SPEG: variants seen among roughly 807,000 people sequenced by gnomAD.
SPEG encodes the protein striated muscle preferentially expressed protein kinase.
Under a neutral mutation model 300.4 loss-of-function variants are expected in SPEG, and 114 were observed. The ratio of observed to expected loss-of-function variants is 0.38; its 90% CI spans 0.33 to 0.44. The LOEUF is 0.44. Ranked by LOEUF, SPEG falls within the 20% of genes least tolerant of loss-of-function variation. The pLI is 1.00. For missense variants in SPEG, 4,201 were observed against 4,586.2 expected (o/e 0.92, Z 2.43); for synonymous variants, 1,964 against 2,018.9 (o/e 0.97, Z 0.73).
chr2:219,488,397 C>T, intron 32 of SPEG, 87 bp downstream of exon 32: 1 of 1,501,082 alleles, frequency 6.7e-7, no homozygotes, highest in Non-Finnish European at 9.1e-7. Context: ...GGAGTGGGGA[C>T]TGAGCACGGT....
chr2:219,459,960 A>G lies in SPEG; in HGVS notation c.2441-1922A>G, dbSNP rs1257079860. Among the ~76,000 whole-genome samples the G allele has an allele frequency of 6.6e-6, 1 of 152,106 alleles. No individual in the cohort carries two copies. Among genetic ancestry groups the G allele is most frequent in the Non-Finnish European group, 1.5e-5 (1 of 68,018 alleles). On this transcript the variant is annotated intron_variant, in intron 6 of 40. Transcript: ENST00000312358. This position sits in a 1 kb window ranked among gnomAD's most constrained non-coding sequence, Gnocchi z 4.9. The stretch of plus-strand genomic sequence containing the variant: ...GGGGTGAGGTGATAGGAAGAGGGAG[A>G]AGGACATGTGACCCCTGCTCAACAG...
At chr2:219,438,074 G>A (rs1265069911) in intron 1 of SPEG, among the ~76,000 whole-genome samples, 1 of 152,118 alleles carries the variant, frequency 6.6e-6, no homozygotes, top group African/African-American at 2.4e-5. Flanking sequence ...GAAAGTTGGG[G>A]TCATGAGAAG....
At position 219,483,425 on chromosome 2, in the gene SPEG, A is replaced by G; in HGVS notation, c.5962A>G (p.Ser1988Gly). ...RAPSQDQEAP[S>G]PEALPSPGQE... ...TCCCTCTCAGGACCAGGAGGCTCCC[A>G]GCCCAGAGGCCCTCCCCTCCCCAGG... The change falls in exon 30 of 41, where the codon AGC becomes GGC. Residue 1988 changes from serine (S) to glycine (G), a missense_variant. Coordinates refer to ENST00000312358, the MANE Select transcript of SPEG (RefSeq NM_005876.5). 6.4e-7 allele frequency: 1 copy of G among 1,570,868 alleles called. No individual in the cohort carries two copies. The highest frequency in any genetic ancestry group is 1.8e-5 in the Admixed American group (1 of 54,224).
intron 6 of SPEG, among the ~76,000 whole-genome samples, chr2:219,456,694 G>A (rs1690208240): frequency 6.6e-6 from 1 of 152,154 alleles, no homozygotes; most frequent in Admixed American, 6.5e-5. Flanking sequence ...TGGATCATGA[G>A]GTCAGGAGTA....
chr2:219,435,675 A>G (rs544922924), intron 1 of SPEG, among the ~76,000 whole-genome samples: 93 of 152,280 alleles, frequency 6.1e-4, no homozygotes, highest in African/African-American at 2.1e-3. Context: ...CCTCCTGTGG[A>G]GAAAAGCCTC....
In SPEG at chr2:219,491,796, C is replaced by A; in HGVS notation, c.9388C>A (p.Pro3130Thr). The change falls in exon 39 of 41, where the codon CCG becomes ACG. Residue 3130 changes from proline to threonine, a missense_variant and splice_region_variant. Pro to Thr is a conservative substitution (Grantham distance 38). Around this residue, in one of 4 missense-constraint regions of SPEG, gnomAD observed 318 missense variants for 429.5 expected, o/e 0.74. Transcript: ENST00000312358. ...GCTTGGCCTCTGTCTCCTGTCAGCT[C>A]CGGAGATGGTGAAGGGAGAACCCAT... ...HRTGTLEFMA[P>T]EMVKGEPIGS... 1 of 1,613,038 alleles carries A rather than the reference C, an allele frequency of 6.2e-7. No individual in the cohort carries two copies. Among genetic ancestry groups the A allele is most frequent in the Non-Finnish European group, 8.5e-7 (1 of 1,179,794 alleles).
rs368564757 is a variant in SPEG, at chr2:219,472,942, G to A, written c.3993G>A (p.Gln1331=). The A allele has an allele frequency of 5.4e-5, 87 of 1,613,726 alleles. No homozygotes were observed. The Middle Eastern group carries it at 8.3e-4, about 15-fold the overall frequency. ...TVQHQVLGSD[Q]WTALVTGLRE... ...AGCACCAGGTGCTGGGCTCGGACCAGTGGACGGCACTGGTCACAGGCCTGC... is the reference window on the plus strand; with the variant it reads ...AGCACCAGGTGCTGGGCTCGGACCAATGGACGGCACTGGTCACAGGCCTGC... Residue 1331 remains glutamine, a synonymous_variant, in exon 16 of 41, where the codon CAG becomes CAA. Transcript: ENST00000312358.
Position 219,489,773 on chromosome 2 carries a change from G to T in SPEG, c.8755G>T (p.Glu2919Ter). 2 of 1,613,568 alleles carry T rather than the reference G, an allele frequency of 1.2e-6. No individual in the cohort carries two copies. The highest frequency in any genetic ancestry group is 1.7e-6 in the Non-Finnish European group (2 of 1,179,910). ...APPAPEPPAP[E>*]PPPEPTKVTV... ...ACCAGCCCCTGAGCCCCCAGCCCCT[G>T]AGCCCCCTCCTGAGCCTACCAAGGT... The change falls in exon 36 of 41, where the codon GAG becomes TAG. Residue 2919 changes from glutamate (E) to a stop codon, truncating the protein, a stop_gained. Transcript: ENST00000312358. LOFTEE classifies it high-confidence loss of function.
Position 219,464,494 on chromosome 2 carries a change from G to A in SPEG, c.2767G>A (p.Gly923Arg), listed in dbSNP as rs372109211. Reference sequence around the variant, plus strand: ...GCGCTTTGCGGAGGAGGCTGAGGGTGGGCTGTGCCGGCTGCGGATCCTGGC... The same window carrying A: ...GCGCTTTGCGGAGGAGGCTGAGGGTAGGCTGTGCCGGCTGCGGATCCTGGC... ...QRRFAEEAEG[G>R]LCRLRILAAE... The change falls in exon 9 of 41, where the codon GGG (glycine) becomes AGG (arginine). Residue 923 changes from glycine (G) to arginine (R), a missense_variant. Coordinates refer to ENST00000312358, the MANE Select transcript of SPEG (RefSeq NM_005876.5). The surrounding 1 kb of genome is among the most constrained non-coding windows in gnomAD (Gnocchi z 4.5). The A allele has an allele frequency of 1.2e-6, 2 of 1,613,882 alleles. No homozygotes were observed. Among genetic ancestry groups the A allele is most frequent in the African/African-American group, 1.3e-5 (1 of 74,952 alleles).
intron 1 of SPEG, among the ~76,000 whole-genome samples, chr2:219,436,421 C>T (rs902277048): frequency 6.6e-6 from 1 of 152,262 alleles, no homozygotes; most frequent in East Asian, 1.9e-4. Flanking sequence ...AAACAGAATT[C>T]TGAGGAAGTA....
Position 219,448,172 on chromosome 2 carries a change from C to A in SPEG, c.1014C>A (p.Arg338=). ...PAATPTSPHR[R]TQEPVLPEDT... is the part of the protein sequence containing the mutation. ...CCACCCCCACGTCGCCCCACCGTCG[C>A]ACTCAGGAGCCTGTGCTGCCCGAGG... Residue 338 remains arginine (R), a synonymous_variant, in exon 4 of 41, where the codon CGC becomes CGA. Coordinates refer to ENST00000312358, the MANE Select transcript of SPEG (RefSeq NM_005876.5). The A allele has an allele frequency of 6.2e-7, 1 of 1,611,840 alleles. No individual in the cohort carries two copies. Among genetic ancestry groups the A allele is most frequent in the Non-Finnish European group, 8.5e-7 (1 of 1,179,352 alleles).
Position 219,483,158 on chromosome 2 carries a change from GC to G in SPEG, c.5702del (p.Pro1901GlnfsTer6). On this transcript the variant is annotated frameshift_variant, in exon 30 of 41. Coordinates refer to ENST00000312358, the MANE Select transcript of SPEG (RefSeq NM_005876.5). LOFTEE classifies it high-confidence loss of function. ...VLRPIPELLRAPPERVWVTMP... is the reference protein window; with the variant it reads ...VLRPIPELLRXPPERVWVTMP... Reference sequence around the variant, plus strand: ...GCGCCCCATCCCCGAGCTGCTGCGGGCCCCCCCAGAGCGGGTGTGGGTGACC... The same window carrying G: ...GCGCCCCATCCCCGAGCTGCTGCGGGCCCCCCAGAGCGGGTGTGGGTGACC... 6.2e-7 allele frequency: 1 copy of G among 1,609,176 alleles called. No homozygotes were observed. The highest frequency in any genetic ancestry group is 1.1e-5 in the South Asian group (1 of 90,812).
rs1431501551 is a variant in SPEG, at chr2:219,489,514, G to A, written c.8496G>A (p.Leu2832=). 2 of 1,601,900 alleles carry A rather than the reference G, an allele frequency of 1.2e-6. No individual in the cohort carries two copies. The highest frequency in any genetic ancestry group is 1.7e-6 in the Non-Finnish European group (2 of 1,178,080). ...SSPPTPPSQA[L]SSLKAVGPPP... is the part of the protein sequence containing the mutation. The stretch of plus-strand genomic sequence containing the variant: ...CCCCCACACCTCCTAGCCAGGCCTT[G>A]TCCTCGCTCAAGGCTGTGGGTCCAC... The change falls in exon 36 of 41, where the codon TTG becomes TTA. Residue 2832 remains leucine, a synonymous_variant. Transcript: ENST00000312358.
intron 22 of SPEG, among the ~76,000 whole-genome samples, chr2:219,478,590 A>G (rs1443590665): frequency 6.6e-6 from 1 of 152,190 alleles, no homozygotes; most frequent in Admixed American, 6.5e-5. Context: ...TTACCCTTTC[A>G]TGAAGGCTGT....
At chr2:219,456,423 C>A (rs1559378511) in intron 6 of SPEG, among the ~76,000 whole-genome samples, 1 of 152,196 alleles carries the variant, frequency 6.6e-6, no homozygotes, top group Non-Finnish European at 1.5e-5. Flanking sequence ...TGGCATGGTC[C>A]CCTTGCCCAA....
chr2:219,435,044 C>A lies in SPEG; in HGVS notation c.67C>A (p.Pro23Thr), dbSNP rs1054445743. Reference sequence around the variant, plus strand: ...GAGGGCACCCCCCAGCCCCGGAGTGCCCCCGAAAAGGGCCAAGGTGGGGGC... The same window carrying A: ...GAGGGCACCCCCCAGCCCCGGAGTGACCCCGAAAAGGGCCAAGGTGGGGGC... The part of the protein sequence containing the change: ...GTRAPPSPGV[P>T]PKRAKVGAGG... Residue 23 changes from proline (P) to threonine (T), a missense_variant, in exon 1 of 41, where the codon CCC (proline) becomes ACC (threonine). By Grantham distance (38) the Pro-to-Thr change is conservative. Transcript: ENST00000312358. 3 of 1,493,602 alleles carry A rather than the reference C, an allele frequency of 2.0e-6. No individual in the cohort carries two copies. The highest frequency in any genetic ancestry group is 2.2e-5 in the Admixed American group (1 of 45,678). The allele number at this position is 1,493,602 out of a possible 1,614,324, so 92.5% of individuals were successfully genotyped here. A position where few individuals can be genotyped will look rare whatever the true frequency, so the allele number is the denominator to read the frequency against.
In SPEG at chr2:219,448,425, C is replaced by T. The variant is rs1689484113; in HGVS notation, c.1267C>T (p.Pro423Ser). The change falls in exon 4 of 41, where the codon CCC (proline) becomes TCC (serine). Residue 423 changes from proline (P) to serine (S), a missense_variant. By Grantham distance (74) the Pro-to-Ser change is moderately conservative. This residue lies in a region of SPEG where 1,258 missense variants were observed against 1,293.9 expected (regional missense o/e 0.97). Coordinates refer to ENST00000312358, the MANE Select transcript of SPEG (RefSeq NM_005876.5). ...SLERSDSPPA[P>S]LRPWVPLRKA... ...GGAGCGCAGCGACTCGCCGCCGGCG[C>T]CCCTGCGGCCCTGGGTGCCCCTGCG... 1 of 1,520,484 alleles carries T rather than the reference C, an allele frequency of 6.6e-7. No homozygotes were observed. The highest frequency in any genetic ancestry group is 8.8e-7 in the Non-Finnish European group (1 of 1,140,830). 94.2% of individuals were successfully genotyped at this position (1,520,484 alleles called of 1,614,324 possible).
intron 8 of SPEG, among the ~76,000 whole-genome samples, chr2:219,462,853 A>AGCTGTAGTGAGCT (rs1407300778): frequency 6.6e-6 from 1 of 152,168 alleles, no homozygotes; most frequent in East Asian, 1.9e-4. Flanking sequence ...GGGAGGTGGA[A>AGCTGTAGTGAGCT]GCTGTAGTGA....
At position 219,462,308 on chromosome 2, in the gene SPEG, T is replaced by C. The variant is rs1192485855; in HGVS notation, c.2627T>C (p.Met876Thr). The change falls in exon 8 of 41, where the codon ATG (methionine) becomes ACG (threonine). Residue 876 changes from methionine to threonine, a missense_variant. Met to Thr is a moderately conservative substitution (Grantham distance 81). This residue lies in a region of SPEG where 1,047 missense variants were observed against 1,356.8 expected (regional missense o/e 0.77). Transcript: ENST00000312358. ...KAPPTFKVSLMDQSVREGQDV... is the reference protein window; with the variant it reads ...KAPPTFKVSLTDQSVREGQDV... The stretch of plus-strand genomic sequence containing the variant: ...GGGTACCCCCTTCAGGTCTCACTTA[T>C]GGACCAGTCAGTAAGAGAAGGCCAA... 1.9e-6 allele frequency: 3 copies of C among 1,565,472 alleles called. No homozygotes were observed. The East Asian group carries it at 7.1e-5, about 37-fold the overall frequency.
Sources: gnomAD v4.1 joint callset for allele counts (sites outside exome capture counted in the v4.1 genomes callset) on GRCh38, gnomAD v4.1.1 for gene constraint, gnomAD v4.1.1 regional missense constraint, Gnocchi (gnomAD v3.1) non-coding constraint, MANE v1.5 for transcripts, NCBI Gene and HGNC (gene_info 2026-07-23, HGNC 2026-07-21) for gene names.